The following FNIP2 variants were observed in gnomAD, a reference collection of about 807,000 sequenced individuals.
The protein encoded by FNIP2 is folliculin interacting protein 2.
FNIP2 carries 32 observed loss-of-function variants against 108.7 expected under a neutral mutation model. The ratio of observed to expected loss-of-function variants is 0.29; its 90% CI spans 0.22 to 0.40. The LOEUF (loss-of-function observed/expected upper bound fraction) is 0.40. Among genes scored for constraint, FNIP2 ranks in the 10% least tolerant of loss-of-function variants. The pLI, the probability that FNIP2 is intolerant of heterozygous loss-of-function variation, is 1.00. For missense variants in FNIP2, 1,202 were observed against 1,381.6 expected (o/e 0.87, Z 2.06); for synonymous variants, 480 against 496.7 (o/e 0.97, Z 0.45).
intron 14 of FNIP2, among the ~76,000 whole-genome samples, chr4:158,889,580 T>A (rs1782184125): frequency 6.6e-6 from 1 of 152,168 alleles, no homozygotes. Flanking sequence ...TGCAAATCAA[T>A]CCTCCTCCTC....
chr4:158,883,083 T>TA (rs1781782641), intron 14 of FNIP2, among the ~76,000 whole-genome samples: 1 of 149,284 alleles, frequency 6.7e-6, no homozygotes, highest in South Asian at 2.1e-4. Context: ...AAAAATAAAA[T>TA]AAATAAATAA....
chr4:158,888,031 A>AGTGGCCCCG (rs1211410905), intron 14 of FNIP2, among the ~76,000 whole-genome samples: 3 of 152,246 alleles, frequency 2.0e-5, no homozygotes, highest in African/African-American at 7.2e-5. Context: ...GATGGCCAGC[A>AGTGGCCCCG]GTGGCCCCGG....
At chr4:158,881,549 TGCCTGATTCTCC>T (rs1781631311) in intron 14 of FNIP2, among the ~76,000 whole-genome samples, 1 of 14,886 alleles carries the variant, frequency 6.7e-5, no homozygotes, top group African/African-American at 6.2e-4. Context: ...GCAAGCTCCC[TGCCTGATTCTCC>T]TGCCTCAGCC....
chr4:158,852,365 A>G (rs1779747150), intron 8 of FNIP2, among the ~76,000 whole-genome samples: 2 of 152,300 alleles, frequency 1.3e-5, no homozygotes, highest in South Asian at 2.1e-4. Flanking sequence ...TCCTTTCACA[A>G]TCCTAGGGAG....
intron 1 of FNIP2, among the ~76,000 whole-genome samples, chr4:158,803,390 C>T (rs970161390): frequency 6.6e-6 from 1 of 151,740 alleles, no homozygotes; most frequent in African/African-American, 2.4e-5. Flanking sequence ...AAGTGAAGAT[C>T]GAGAAAAAAG....
intron 7 of FNIP2, among the ~76,000 whole-genome samples, chr4:158,845,433 A>T (rs145707708): frequency 6.6e-6 from 1 of 152,180 alleles, no homozygotes; most frequent in Non-Finnish European, 1.5e-5. Context: ...TTTTAAAGAG[A>T]TGAGGTCTCA....
At chr4:158,846,983 A>G (rs1779441197) in intron 7 of FNIP2, among the ~76,000 whole-genome samples, 1 of 152,154 alleles carries the variant, frequency 6.6e-6, no homozygotes, top group Non-Finnish European at 1.5e-5. Flanking sequence ...CTTGGGGAGA[A>G]ACTTTGCATT....
intron 14 of FNIP2, among the ~76,000 whole-genome samples, chr4:158,873,488 C>T (rs989308837): frequency 2.6e-5 from 4 of 152,142 alleles, no homozygotes; most frequent in Admixed American, 6.5e-5. Flanking sequence ...GGATTATAGG[C>T]ACAGGCCACT....
intron 12 of FNIP2, among the ~76,000 whole-genome samples, chr4:158,867,016 A>G (rs950357345): frequency 6.6e-6 from 1 of 152,230 alleles, no homozygotes; most frequent in African/African-American, 2.4e-5. Flanking sequence ...AGTAGTTTTA[A>G]TAGTTAGGCA....
intron 8 of FNIP2, among the ~76,000 whole-genome samples, chr4:158,855,379 T>TTTA (rs1779927868): frequency 6.6e-6 from 1 of 152,226 alleles, no homozygotes; most frequent in Non-Finnish European, 1.5e-5. Flanking sequence ...CAGCCAGCCC[T>TTTA]TAATAGAGTA....
intron 13 of FNIP2, 141 bp downstream of exon 13, chr4:158,869,569 T>A: frequency 8.2e-7 from 1 of 1,218,584 alleles, no homozygotes; most frequent in Non-Finnish European, 1.1e-6. Flanking sequence ...AGAAGTATTA[T>A]TAATTCTATA....
At chr4:158,832,482 T>C (rs1035939482) in intron 5 of FNIP2, among the ~76,000 whole-genome samples, 1 of 152,264 alleles carries the variant, frequency 6.6e-6, no homozygotes, top group Non-Finnish European at 1.5e-5. Context: ...CATTTTGGCA[T>C]ATTCATTCAT....
chr4:158,769,764 C>A (rs1376360449), intron 1 of FNIP2, among the ~76,000 whole-genome samples: 1 of 152,010 alleles, frequency 6.6e-6, no homozygotes, highest in Non-Finnish European at 1.5e-5. Context: ...GCAACAGTCA[C>A]GAAAAAGGCA....
intron 1 of FNIP2, among the ~76,000 whole-genome samples, chr4:158,813,388 G>T (rs1777388365): frequency 1.3e-5 from 2 of 152,208 alleles, no homozygotes; most frequent in Admixed American, 6.5e-5. Context: ...TAATAGGCAT[G>T]TAGTAGTATC....
At chr4:158,800,153 A>G (rs534824769) in intron 1 of FNIP2, among the ~76,000 whole-genome samples, 1 of 152,032 alleles carries the variant, frequency 6.6e-6, no homozygotes, top group Admixed American at 6.6e-5. Flanking sequence ...TCTTTTCCTT[A>G]TCTCTGTGTT....
At chr4:158,826,107 T>G (rs966515933) in intron 2 of FNIP2, 65 bp downstream of exon 2, 2 of 1,545,808 alleles carry the variant, frequency 1.3e-6, no homozygotes, top group Admixed American at 3.6e-5. Flanking sequence ...TGATCAATCA[T>G]TTATTAATCT....
At chr4:158,806,536 T>A in intron 1 of FNIP2, 1 of 691,680 alleles carries the variant, frequency 1.4e-6, no homozygotes, top group Non-Finnish European at 2.1e-6. Flanking sequence ...TAAGTGCTTC[T>A]AAGTAGGAGA....
intron 1 of FNIP2, among the ~76,000 whole-genome samples, chr4:158,815,932 C>T (rs1777542071): frequency 6.6e-6 from 1 of 152,090 alleles, no homozygotes; most frequent in Non-Finnish European, 1.5e-5. Context: ...ATGGATGTAC[C>T]ATAATTTATT....
chr4:158,889,117 A>G (rs1782161028), intron 14 of FNIP2, among the ~76,000 whole-genome samples: 1 of 152,090 alleles, frequency 6.6e-6, no homozygotes, highest in Non-Finnish European at 1.5e-5. Flanking sequence ...ACTTGAGCTC[A>G]GGAGCTTGAG....
Sources: allele counts gnomAD v4.1 joint callset (sites outside exome capture counted in the v4.1 genomes callset), GRCh38; gene constraint gnomAD v4.1.1; transcripts MANE v1.5; gene names NCBI Gene and HGNC (gene_info 2026-07-23, HGNC 2026-07-21).